Variants in MRTFA observed in about 807,000 individuals in gnomAD.
The protein encoded by MRTFA is myocardin related transcription factor A.
Under a neutral mutation model 83.5 loss-of-function variants are expected in MRTFA, and 20 were observed. That is an observed-to-expected ratio of 0.24 (90% CI 0.17 to 0.35). The LOEUF (loss-of-function observed/expected upper bound fraction) is 0.35, where lower values mean the gene tolerates loss of function less well. Among genes scored for constraint, MRTFA ranks in the 10% least tolerant of loss-of-function variants. The probability of loss-of-function intolerance (pLI) is 1.00; values close to 1 mark genes in which losing one functional copy is unlikely to be tolerated. For missense variants in MRTFA, 1,200 were observed against 1,224.7 expected, an observed-to-expected ratio of 0.98 and a Z score of 0.30; for synonymous variants, 659 against 541.2, an observed-to-expected ratio of 1.22 and a Z score of -3.02.
rs1360733383 is a variant in MRTFA, at chr22:40,502,169, C to G, written c.242-38883G>C. Among the ~76,000 whole-genome samples, 16 of 142,094 alleles carry G rather than the reference C, an allele frequency of 1.1e-4. No individual in the cohort carries two copies. In the East Asian group the frequency reaches 2.0e-3, roughly 18 times the overall value. 93.2% of individuals were successfully genotyped at this position (142,094 alleles called of 152,430 possible). The stretch of plus-strand genomic sequence containing the variant: ...GGCCGGGCGGGGGGCTGACCCCCCC[C>G]ACCTCCCTCCCGGACGGGGTGGCTG... On this transcript the variant is annotated intron_variant, in intron 3 of 14. Coordinates refer to ENST00000355630, the MANE Select transcript of MRTFA (RefSeq NM_020831.6).
chr22:40,576,151 C>T (rs1375845299), intron 2 of MRTFA, among the ~76,000 whole-genome samples: 2 of 151,604 alleles, frequency 1.3e-5, no homozygotes, highest in Non-Finnish European at 2.9e-5. Context: ...GCCTCAGCCT[C>T]CCAAGTAGCT....
chr22:40,589,804 G>T (rs908754697), intron 2 of MRTFA, among the ~76,000 whole-genome samples: 2 of 152,044 alleles, frequency 1.3e-5, no homozygotes, highest in Non-Finnish European at 2.9e-5. Flanking sequence ...CGAGGCAGGC[G>T]AATCACAAGG....
intron 13 of MRTFA, 108 bp downstream of exon 13, chr22:40,417,233 A>G: frequency 6.7e-7 from 1 of 1,485,182 alleles, no homozygotes; most frequent in South Asian, 1.2e-5. Flanking sequence ...CTGACCCTGA[A>G]GCTGGGCTTC....
At chr22:40,422,055 C>G (rs2052851358) in intron 9 of MRTFA, among the ~76,000 whole-genome samples, 1 of 152,060 alleles carries the variant, frequency 6.6e-6, no homozygotes, top group African/African-American at 2.4e-5. Context: ...GCTGTGGGGC[C>G]AGGATTGCCC....
chr22:40,533,739 T>C, intron 3 of MRTFA: 3 of 555,400 alleles, frequency 5.4e-6, no homozygotes, highest in Non-Finnish European at 8.1e-6. Context: ...TCTGATGCCT[T>C]ATGCTCAAAT....
chr22:40,556,890 C>A (rs1422578639), intron 2 of MRTFA, among the ~76,000 whole-genome samples: 1 of 152,136 alleles, frequency 6.6e-6, no homozygotes, highest in Non-Finnish European at 1.5e-5. Flanking sequence ...TTCAAGGACC[C>A]CTTGAGAACT....
chr22:40,625,460 A>C (rs2056571245), intron 1 of MRTFA, among the ~76,000 whole-genome samples: 1 of 145,816 alleles, frequency 6.9e-6, no homozygotes, highest in African/African-American at 2.5e-5. Flanking sequence ...TAAATAAATA[A>C]ATAAATAAAT....
chr22:40,516,728 T>A (rs1174039328), intron 3 of MRTFA, among the ~76,000 whole-genome samples: 1 of 152,166 alleles, frequency 6.6e-6, no homozygotes. Flanking sequence ...GAAATATTAC[T>A]AGACTGTAAT....
At chr22:40,435,446 T>G in intron 5 of MRTFA, 53 bp downstream of exon 5, 72 of 1,552,684 alleles carry the variant, frequency 4.6e-5, no homozygotes, top group Non-Finnish European at 5.7e-5. Context: ...AGCAATGCAA[T>G]GAGCTCTGAA....
chr22:40,569,253 C>G (rs1339130245), intron 2 of MRTFA: 2 of 169,088 alleles, frequency 1.2e-5, no homozygotes, highest in East Asian at 1.6e-4. Flanking sequence ...AAAAAGAAGA[C>G]AGCAGAGAGT....
chr22:40,508,726 T>A (rs2147237798), intron 3 of MRTFA, among the ~76,000 whole-genome samples: 1 of 149,902 alleles, frequency 6.7e-6, no homozygotes, highest in African/African-American at 2.5e-5. Context: ...AAAGTAAGAG[T>A]CTGGCTTCTG....
intron 1 of MRTFA, among the ~76,000 whole-genome samples, chr22:40,613,901 C>CA (rs2056416749): frequency 1.3e-5 from 2 of 150,478 alleles, no homozygotes; most frequent in Admixed American, 1.3e-4. Context: ...GACCCTGTTT[C>CA]AAAAAATAAA....
intron 3 of MRTFA, among the ~76,000 whole-genome samples, chr22:40,498,280 T>TATATATATATA (rs1602339571): frequency 8.1e-4 from 81 of 100,010 alleles, no homozygotes; most frequent in South Asian, 2.0e-3. Flanking sequence ...TATATTTTTT[T>TATATATATATA]TTTTTTTTTT....
Position 40,463,212 on chromosome 22 carries a change from G to A in MRTFA, c.307+9C>T, listed in dbSNP as rs2053746137. The A allele has an allele frequency of 1.2e-6, 2 of 1,613,116 alleles. No homozygotes were observed. The highest frequency in any genetic ancestry group is 2.2e-5 in the East Asian group (1 of 44,884). The stretch of plus-strand genomic sequence containing the variant: ...AATCTACCAAATGCTGAGAGAGAGA[G>A]GCACTTACGCGGCATGATCCCTTGG... On this transcript the variant is annotated intron_variant, in intron 4 of 14. Coordinates refer to ENST00000355630, the MANE Select transcript of MRTFA (RefSeq NM_020831.6).
intron 3 of MRTFA, chr22:40,522,959 G>C (rs1304494537): frequency 1.3e-5 from 2 of 152,084 alleles, no homozygotes; most frequent in African/African-American, 4.8e-5. Context: ...GGGAGTCCAC[G>C]CTATATGATC....
intron 3 of MRTFA, among the ~76,000 whole-genome samples, chr22:40,485,787 G>A (rs967468419): frequency 7.9e-5 from 12 of 152,164 alleles, no homozygotes; most frequent in Admixed American, 2.0e-4. Context: ...AGGTTGCAAT[G>A]ATGGTAAAAA....
intron 2 of MRTFA, among the ~76,000 whole-genome samples, chr22:40,588,760 C>T (rs1396436474): frequency 1.3e-5 from 2 of 152,128 alleles, no homozygotes; most frequent in Non-Finnish European, 2.9e-5. Flanking sequence ...AGGCAGAGGA[C>T]TGCTCGAGCC....
intron 3 of MRTFA, among the ~76,000 whole-genome samples, chr22:40,464,961 C>T (rs911394880): frequency 6.6e-6 from 1 of 152,138 alleles, no homozygotes. Context: ...AGCTCCCTGG[C>T]TGTGTCCTTG....
At chr22:40,532,845 G>A (rs1480161534) in intron 3 of MRTFA, among the ~76,000 whole-genome samples, 1 of 152,128 alleles carries the variant, frequency 6.6e-6, no homozygotes, top group Non-Finnish European at 1.5e-5. Context: ...GATATGCTCT[G>A]AAACAAGAAA....
Sources: allele counts gnomAD v4.1 joint callset (sites outside exome capture counted in the v4.1 genomes callset), GRCh38; gene constraint gnomAD v4.1.1; transcripts MANE v1.5; gene names NCBI Gene and HGNC (gene_info 2026-07-23, HGNC 2026-07-21).